The following GTF3C3 variants were observed in gnomAD, a reference collection of about 807,000 sequenced individuals.
The protein encoded by GTF3C3 is general transcription factor IIIC subunit 3.
Under a neutral mutation model 105.2 loss-of-function variants are expected in GTF3C3, and 75 were observed. The ratio of observed to expected loss-of-function variants is 0.71; its 90% CI spans 0.59 to 0.86. GTF3C3 has a LOEUF of 0.86. Ranked by LOEUF, GTF3C3 falls within the 40% of genes least tolerant of loss-of-function variation. GTF3C3 has a pLI of 0.00. For synonymous variants in GTF3C3, 335 were observed against 370.4 expected, an observed-to-expected ratio of 0.90 and a Z score of 1.10; for missense variants, 856 against 1,076.5, an observed-to-expected ratio of 0.80 and a Z score of 2.87.
Position 196,776,190 on chromosome 2 carries a change from T to A in GTF3C3, c.1594-79A>T, listed in dbSNP as rs574693539. 4.7e-6 allele frequency: 4 copies of A among 843,908 alleles called. No homozygotes were observed. The highest frequency in any genetic ancestry group is 5.6e-6 in the Non-Finnish European group (3 of 533,082). 52.3% of individuals were successfully genotyped at this position (843,908 alleles called of 1,614,324 possible). On this transcript the variant is annotated intron_variant, in intron 11 of 17. Coordinates refer to ENST00000263956, the MANE Select transcript of GTF3C3 (RefSeq NM_012086.5). This position sits in a 1 kb window ranked among gnomAD's most constrained non-coding sequence, Gnocchi z 4.5. ...TGTTTTATTTGCATAGAAACATTTT[T>A]AAAAAAACAAACCATATTGCTTTAT...
chr2:196,764,755 A>AATAGTTTTATAAGTGTAAGTAAGTTTTC (rs1224661378), intron 17 of GTF3C3, 70 bp from the exon 18 acceptor site: 58 of 1,390,500 alleles, frequency 4.2e-5, no homozygotes, highest in East Asian at 3.2e-4. Flanking sequence ...ATGGCAAATT[A>AATAGTTTTATAAGTGTAAGTAAGTTTTC]ATAGTTTTAT....
At chr2:196,778,431 T>G (rs1269199347) in intron 10 of GTF3C3, 1 of 153,652 alleles carries the variant, frequency 6.5e-6, no homozygotes, top group African/African-American at 2.4e-5. Context: ...TCTAAATGAT[T>G]CACTGCAGAT....
At chr2:196,794,677 C>G (rs753204137) in intron 2 of GTF3C3, among the ~76,000 whole-genome samples, 6 of 152,094 alleles carry the variant, frequency 3.9e-5, no homozygotes, top group Admixed American at 1.3e-4. Flanking sequence ...TCAGGTGATC[C>G]ACCCACCTCG....
Position 196,773,105 on chromosome 2 carries a change from T to G in GTF3C3, c.1880A>C (p.Asn627Thr). 1.2e-6 allele frequency: 2 copies of G among 1,612,652 alleles called. No individual in the cohort carries two copies. The highest frequency in any genetic ancestry group is 8.5e-7 in the Non-Finnish European group (1 of 1,179,442). Residue 627 changes from asparagine (N) to threonine (T), a missense_variant, in exon 14 of 18, where the codon AAT becomes ACT. This residue lies in a region of GTF3C3 where 605 missense variants were observed against 833.6 expected (regional missense o/e 0.73). Transcript: ENST00000263956. ...GGAGTATATGGCCTTCAACAGAAGA[T>G]TCCACCAGTCATCCTTTGTCAAGAC... ...TSVLTKDDWW[N>T]LLLKAIYSLC...
At chr2:196,781,961 T>G (rs1290502975) in intron 8 of GTF3C3, among the ~76,000 whole-genome samples, 1 of 152,234 alleles carries the variant, frequency 6.6e-6, no homozygotes, top group African/African-American at 2.4e-5. Flanking sequence ...TGAGCCTTTT[T>G]CTTTACTAAA....
intron 6 of GTF3C3, among the ~76,000 whole-genome samples, chr2:196,788,208 C>T (rs940880859): frequency 1.3e-5 from 2 of 152,182 alleles, no homozygotes; most frequent in African/African-American, 4.8e-5. Context: ...GTAACCCACC[C>T]CTGGGAGGGT....
intron 1 of GTF3C3, among the ~76,000 whole-genome samples, chr2:196,798,744 C>A (rs928694508): frequency 6.6e-6 from 1 of 151,310 alleles, no homozygotes; most frequent in Non-Finnish European, 1.5e-5. Flanking sequence ...CGCCTGTAGT[C>A]CCAGCTACTC....
rs773745365 is a variant in GTF3C3, at chr2:196,775,171, C to T, written c.1776G>A (p.Ser592=). The change falls in exon 13 of 18, where the codon TCG becomes TCA. Residue 592 remains serine, a synonymous_variant. Coordinates refer to ENST00000263956, the MANE Select transcript of GTF3C3 (RefSeq NM_012086.5). The part of the protein sequence containing the change: ...GERHLYLIKV[S]RDKISDSNDQ... ...CATTGCTGTCTGATATTTTGTCTCT[C>T]GATACTTTAATAAGATAAAGATGCC... 7.4e-6 allele frequency: 12 copies of T among 1,612,908 alleles called. No homozygotes were observed. Among genetic ancestry groups the T allele is most frequent in the Non-Finnish European group, 1.0e-5 (12 of 1,179,200 alleles).
At chr2:196,774,171 T>C (rs1699223837) in intron 13 of GTF3C3, among the ~76,000 whole-genome samples, 1 of 152,336 alleles carries the variant, frequency 6.6e-6, no homozygotes, top group Middle Eastern at 3.4e-3. Context: ...ATAAAAAATT[T>C]TACTGTCTTT....
In GTF3C3 at chr2:196,780,591, G is replaced by A; in HGVS notation, c.1186C>T (p.Leu396Phe). Reference sequence around the variant, plus strand: ...GGTTCAAGAATGTTGAGATGTACAAGGCAGACCATCAACTTCACTGTGATA... The same window carrying A: ...GGTTCAAGAATGTTGAGATGTACAAAGCAGACCATCAACTTCACTGTGATA... Reference protein sequence around the residue: ...IDITVKLMVCLVHLNILEPLN... With the variant: ...IDITVKLMVCFVHLNILEPLN... The change falls in exon 9 of 18, where the codon CTT becomes TTT. Residue 396 changes from leucine (L) to phenylalanine (F), a missense_variant. Physicochemically the swap from Leu to Phe is conservative, Grantham distance 22 (BLOSUM62 0). Coordinates refer to ENST00000263956, the MANE Select transcript of GTF3C3 (RefSeq NM_012086.5). 1 of 1,613,582 alleles carries A rather than the reference G, an allele frequency of 6.2e-7. No homozygotes were observed. Among genetic ancestry groups the A allele is most frequent in the Non-Finnish European group, 8.5e-7 (1 of 1,179,676 alleles).
rs781091900 is a variant in GTF3C3, at chr2:196,764,729, C to G, written c.2539-44G>C. The G allele has an allele frequency of 1.3e-5, 20 of 1,544,162 alleles. No individual in the cohort carries two copies. The East Asian group carries it at 4.1e-4, about 31-fold the overall frequency. The stretch of plus-strand genomic sequence containing the variant: ...CTTTATGTTTAATATTTCCAACTGT[C>G]AACCGGGACAATTTTATGGCAAATT... On this transcript the variant is annotated intron_variant, in intron 17 of 17. Transcript: ENST00000263956.
rs529261313 is a variant in GTF3C3, at chr2:196,764,764, A to C, written c.2539-79T>G. 52 of 1,319,078 alleles carry C rather than the reference A, an allele frequency of 3.9e-5. No individual in the cohort carries two copies. In the African/African-American group the frequency reaches 7.5e-4, roughly 19 times the overall value. 81.7% of individuals were successfully genotyped at this position (1,319,078 alleles called of 1,614,324 possible). On this transcript the variant is annotated intron_variant, in intron 17 of 17. Coordinates refer to ENST00000263956, the MANE Select transcript of GTF3C3 (RefSeq NM_012086.5). ...AATTTTATGGCAAATTAATAGTTTT[A>C]TAAGTGTAAGTAAGTTTTCAAAAGG... is the stretch of plus-strand genomic sequence containing the variant.
intron 10 of GTF3C3, 116 bp downstream of exon 10, chr2:196,778,778 CAA>C: frequency 1.1e-6 from 1 of 899,746 alleles, no homozygotes; most frequent in Non-Finnish European, 1.8e-6. Context: ...TACTGACTTT[CAA>C]AAAACTCCCC....
chr2:196,764,190 G>A lies in GTF3C3; in HGVS notation c.*373C>T, dbSNP rs4380257. ...AATAATAAGCAACCTCTGTTTATAC[G>A]TATTTGAAAAACTGCCTCATGTGAT... is the stretch of plus-strand genomic sequence containing the variant. On this transcript the variant is annotated 3_prime_UTR_variant, in exon 18 of 18. Coordinates refer to ENST00000263956, the MANE Select transcript of GTF3C3 (RefSeq NM_012086.5). 3,249 of 155,700 alleles carry A rather than the reference G, an allele frequency of 0.021. 155 individuals are homozygous for A. The highest frequency in any genetic ancestry group is 0.17 in the East Asian group (908 of 5,346). The allele number at this position is 155,700 out of a possible 1,614,324, so 9.6% of individuals were successfully genotyped here. A position where few individuals can be genotyped will look rare whatever the true frequency, so the allele number is the denominator to read the frequency against.
rs1052794095 is a variant in GTF3C3, at chr2:196,775,231, T to C, written c.1716A>G (p.Gln572=). ...ACTTGGAACTGGATATCAAACAAACTTGGGCTCGATTCATTGCTACCTGAA... is the reference window on the plus strand; with the variant it reads ...ACTTGGAACTGGATATCAAACAAACCTGGGCTCGATTCATTGCTACCTGAA... ...MLLKVAMNRA[Q]VCLISSSKSG... Residue 572 remains glutamine, a synonymous_variant, in exon 13 of 18, where the codon CAA becomes CAG. Coordinates refer to ENST00000263956, the MANE Select transcript of GTF3C3 (RefSeq NM_012086.5). 5 of 1,604,690 alleles carry C rather than the reference T, an allele frequency of 3.1e-6. No homozygotes were observed. Among genetic ancestry groups the C allele is most frequent in the Admixed American group, 1.7e-5 (1 of 57,722 alleles).
chr2:196,790,162 T>A (rs1012889715), intron 4 of GTF3C3, 92 bp from the exon 5 acceptor site: 5 of 712,898 alleles, frequency 7.0e-6, no homozygotes, highest in African/African-American at 1.8e-5. Context: ...GTCTTTTTTT[T>A]AAATACCTAA....
chr2:196,799,395 C>G (rs531310701), intron 1 of GTF3C3, 115 bp downstream of exon 1: 2 of 736,642 alleles, frequency 2.7e-6, no homozygotes, highest in African/African-American at 3.5e-5. Flanking sequence ...AAGGAAGAAG[C>G]TGCTGAAAGT....
At chr2:196,792,345 G>C (rs946826054) in intron 3 of GTF3C3, among the ~76,000 whole-genome samples, 1 of 151,982 alleles carries the variant, frequency 6.6e-6, no homozygotes, top group Non-Finnish European at 1.5e-5. Flanking sequence ...GTTTTTTGTA[G>C]AGACAGAGCC....
At position 196,770,059 on chromosome 2, in the gene GTF3C3, G is replaced by A; in HGVS notation, c.2261-20C>T. 1 of 1,489,376 alleles carries A rather than the reference G, an allele frequency of 6.7e-7. No individual in the cohort carries two copies. Among genetic ancestry groups the A allele is most frequent in the South Asian group, 1.4e-5 (1 of 70,572 alleles). The allele number at this position is 1,489,376 out of a possible 1,614,324, so 92.3% of individuals were successfully genotyped here. A position where few individuals can be genotyped will look rare whatever the true frequency, so the allele number is the denominator to read the frequency against. On this transcript the variant is annotated intron_variant, in intron 15 of 17. Coordinates refer to ENST00000263956, the MANE Select transcript of GTF3C3 (RefSeq NM_012086.5). Reference sequence around the variant, plus strand: ...ACTGTCCTGGAAAATAAGCAGTGGTGTCAGACGGTGTGACAAGAACAGAGT... The same window carrying A: ...ACTGTCCTGGAAAATAAGCAGTGGTATCAGACGGTGTGACAAGAACAGAGT...
Sources: gnomAD v4.1 joint callset for allele counts (sites outside exome capture counted in the v4.1 genomes callset) on GRCh38, gnomAD v4.1.1 for gene constraint, gnomAD v4.1.1 regional missense constraint, Gnocchi (gnomAD v3.1) non-coding constraint, MANE v1.5 for transcripts, NCBI Gene and HGNC (gene_info 2026-07-23, HGNC 2026-07-21) for gene names.